Variants in C12orf56 observed in about 807,000 individuals in gnomAD.
The protein encoded by C12orf56 is chromosome 12 open reading frame 56, also known as uncharacterized protein C12orf56.
A neutral mutation model predicts 69.9 loss-of-function variants in C12orf56; 71 were observed. That is an observed-to-expected ratio of 1.02 (90% CI 0.84 to 1.24). C12orf56 has a LOEUF of 1.24. Ranked by LOEUF, C12orf56 falls within the 50% of genes most tolerant of loss-of-function variation. The pLI is 0.00. For synonymous variants in C12orf56, 276 were observed against 274.1 expected, an observed-to-expected ratio of 1.01 and a Z score of -0.07; for missense variants, 732 against 738.5, an observed-to-expected ratio of 0.99 and a Z score of 0.10.
chr12:64,386,305 C>G, intron 1 of C12orf56, among the ~76,000 whole-genome samples: 1 of 151,584 alleles, frequency 6.6e-6, no homozygotes, highest in Non-Finnish European at 1.5e-5. Context: ...CTTCCGCCTC[C>G]CGGGTTCAAG....
At chr12:64,287,343 T>G (rs974875854) in intron 6 of C12orf56, among the ~76,000 whole-genome samples, 1 of 151,218 alleles carries the variant, frequency 6.6e-6, no homozygotes, top group Non-Finnish European at 1.5e-5. Context: ...GTGGCAGTTT[T>G]TTTTTGTTGT....
At chr12:64,338,823 C>A in intron 2 of C12orf56, 2 of 1,018,788 alleles carry the variant, frequency 2.0e-6, no homozygotes, top group South Asian at 2.6e-5. Flanking sequence ...CGGTGAGCAG[C>A]AGGCTCGAGT....
chr12:64,308,882 C>CAA (rs2038553169), intron 5 of C12orf56, among the ~76,000 whole-genome samples: 2 of 50,056 alleles, frequency 4.0e-5, no homozygotes, highest in African/African-American at 1.8e-4. Context: ...AAGAAAGAAA[C>CAA]AGAAAGGAAG....
intron 1 of C12orf56, among the ~76,000 whole-genome samples, chr12:64,382,248 C>G (rs1369297505): frequency 8.9e-6 from 1 of 111,884 alleles, no homozygotes; most frequent in South Asian, 3.2e-4. Flanking sequence ...GGCCACAGAA[C>G]GAGACTCTTG....
chr12:64,380,761 A>G (rs1053436261), intron 1 of C12orf56, among the ~76,000 whole-genome samples: 14 of 152,196 alleles, frequency 9.2e-5, no homozygotes, highest in African/African-American at 9.6e-5. Flanking sequence ...AGGCAAGTAC[A>G]AAGGTCCTGA....
intron 1 of C12orf56, among the ~76,000 whole-genome samples, chr12:64,379,309 G>A (rs1286108558): frequency 3.4e-5 from 5 of 148,046 alleles, no homozygotes; most frequent in African/African-American, 5.0e-5. Context: ...TTTTTGAGAC[G>A]GAGTCTCGCT....
intron 6 of C12orf56, among the ~76,000 whole-genome samples, chr12:64,292,905 G>T (rs1466157177): frequency 7.3e-6 from 1 of 137,032 alleles, no homozygotes; most frequent in African/African-American, 2.6e-5. Context: ...CGGCTGCTTT[G>T]TTTACCTAAG....
chr12:64,351,232 T>C lies in C12orf56; in HGVS notation c.415+1662A>G, dbSNP rs935162785. 2.6e-5 allele frequency among the ~76,000 whole-genome samples: 4 copies of C among 152,206 alleles called. No individual in the cohort carries two copies. The South Asian group carries it at 8.3e-4, about 31-fold the overall frequency. ...TATAGCCACCACTCATCTGGGCATG[T>C]CACAAGACATCCTTTTCTCTCACTT... On this transcript the variant is annotated intron_variant, in intron 2 of 12. Coordinates refer to ENST00000543942, the MANE Select transcript of C12orf56 (RefSeq NM_001170633.2).
chr12:64,323,116 C>G (rs17223130), intron 3 of C12orf56, among the ~76,000 whole-genome samples: 41,166 of 151,980 alleles, frequency 0.27, 5,945 homozygotes, highest in East Asian at 0.5. Context: ...GTCAGTGACT[C>G]GTGTGCTGCC....
chr12:64,367,669 C>A (rs958347580), intron 1 of C12orf56, among the ~76,000 whole-genome samples: 3 of 151,584 alleles, frequency 2.0e-5, no homozygotes, highest in African/African-American at 7.3e-5. Context: ...CCACACCCAG[C>A]TAATTTTTGT....
At chr12:64,351,469 C>G (rs1464880097) in intron 2 of C12orf56, among the ~76,000 whole-genome samples, 1 of 152,186 alleles carries the variant, frequency 6.6e-6, no homozygotes, top group Non-Finnish European at 1.5e-5. Flanking sequence ...GTGACTGATT[C>G]CTGCCAATTA....
intron 2 of C12orf56, among the ~76,000 whole-genome samples, chr12:64,335,442 GC>G (rs2038984546): frequency 7.1e-6 from 1 of 141,600 alleles, no homozygotes; most frequent in Non-Finnish European, 1.5e-5. Flanking sequence ...AAAAAAAAGA[GC>G]TTTTGCTACT....
At position 64,368,007 on chromosome 12, in the gene C12orf56, C is replaced by A. The variant is rs111433858; in HGVS notation, c.253-14951G>T. On this transcript the variant is annotated intron_variant, in intron 1 of 12. Transcript: ENST00000543942. ...ATTTTTAGTAGAGACAGGATTTCAC[C>A]AAGTTGGCCAGGCTGGTCTCAAACT... Among the ~76,000 whole-genome samples the A allele has an allele frequency of 8.1e-3, 1,234 of 151,960 alleles. 13 individuals carry two copies. The highest frequency in any genetic ancestry group is 0.028 in the African/African-American group (1,148 of 41,420).
intron 1 of C12orf56, among the ~76,000 whole-genome samples, chr12:64,382,262 C>CAAAAAAAAA (rs55714337): frequency 2.0e-5 from 2 of 97,704 alleles, no homozygotes; most frequent in African/African-American, 3.8e-5. Flanking sequence ...ACTCTTGTCT[C>CAAAAAAAAA]AAAAAAAAAA....
intron 3 of C12orf56, among the ~76,000 whole-genome samples, chr12:64,328,700 AAAAAAAATATATATATAT>A (rs1228610374): frequency 1.3e-3 from 37 of 28,416 alleles, no homozygotes; most frequent in African/African-American, 2.2e-3. Flanking sequence ...AAAAAAAAAA[AAAAAAAATATATATATAT>A]ATATATATAT....
intron 2 of C12orf56, among the ~76,000 whole-genome samples, chr12:64,343,856 C>T (rs550230623): frequency 3.3e-5 from 5 of 152,280 alleles, no homozygotes; most frequent in Admixed American, 3.3e-4. Context: ...TTTGGCCTTT[C>T]CCACCATAAT....
rs1186030513 is a variant in C12orf56 at position 64,390,744 on chromosome 12, G to A, written c.-179C>T. Reference sequence around the variant, plus strand: ...GACGCTAGGTCGGCTTCCCTGGAGCGCCCTCCCCAGCCCTGTCCAGCCTCT... The same window carrying A: ...GACGCTAGGTCGGCTTCCCTGGAGCACCCTCCCCAGCCCTGTCCAGCCTCT... On this transcript the variant is annotated 5_prime_UTR_variant, in exon 1 of 13. Coordinates refer to ENST00000543942, the MANE Select transcript of C12orf56 (RefSeq NM_001170633.2). 5 of 770,470 alleles carry A rather than the reference G, an allele frequency of 6.5e-6. No homozygotes were observed. Among genetic ancestry groups the A allele is most frequent in the Non-Finnish European group, 9.4e-6 (5 of 531,460 alleles). 47.7% of individuals were successfully genotyped at this position (770,470 alleles called of 1,614,324 possible). A position where few individuals can be genotyped will look rare whatever the true frequency, so the allele number is the denominator to read the frequency against.
chr12:64,371,168 G>A (rs962360739), intron 1 of C12orf56, among the ~76,000 whole-genome samples: 6 of 152,142 alleles, frequency 3.9e-5, no homozygotes, highest in Admixed American at 1.3e-4. Context: ...TTGGGAGGCC[G>A]AGGCTGGTGG....
intron 1 of C12orf56, among the ~76,000 whole-genome samples, chr12:64,353,764 C>A (rs538935129): frequency 6.4e-4 from 97 of 152,276 alleles, no homozygotes; most frequent in Non-Finnish European, 1.0e-3. Context: ...TCACTACAAC[C>A]TCCACCTCCT....
Sources: gnomAD v4.1 joint callset for allele counts (sites outside exome capture counted in the v4.1 genomes callset) on GRCh38, gnomAD v4.1.1 for gene constraint, MANE v1.5 for transcripts, NCBI Gene and HGNC (gene_info 2026-07-23, HGNC 2026-07-21) for gene names.